ACP2: variants seen among roughly 807,000 people sequenced by gnomAD.
ACP2 encodes acid phosphatase 2, lysosomal, also known as lysosomal acid phosphatase.
ACP2 carries 35 observed loss-of-function variants against 54.7 expected under a neutral mutation model. The ratio of observed to expected loss-of-function variants is 0.64; its 90% CI spans 0.49 to 0.85. The LOEUF (loss-of-function observed/expected upper bound fraction) is 0.85. Ranked by LOEUF, ACP2 falls within the 40% of genes least tolerant of loss-of-function variation. The probability of loss-of-function intolerance (pLI) is 0.00; values close to 1 mark genes in which losing one functional copy is unlikely to be tolerated. For missense variants in ACP2, 492 were observed against 565.0 expected, an observed-to-expected ratio of 0.87 and a Z score of 1.31; for synonymous variants, 210 against 224.4, an observed-to-expected ratio of 0.94 and a Z score of 0.57.
intron 10 of ACP2, among the ~76,000 whole-genome samples, chr11:47,242,443 G>C (rs892568761): frequency 1.3e-5 from 2 of 152,156 alleles, no homozygotes; most frequent in Non-Finnish European, 2.9e-5. Context: ...ACCCAAGTGC[G>C]GGTGGAGAGG....
In ACP2 at chr11:47,239,492, T is replaced by C. The variant is rs326221; in HGVS notation, c.*624A>G. 0.99 allele frequency: 159,371 copies of C among 160,266 alleles called. 79,243 individuals are homozygous for C. Among genetic ancestry groups the C allele is most frequent in the East Asian group, 1 (6,004 of 6,004 alleles). The allele number at this position is 160,266 out of a possible 1,614,324, so 9.9% of individuals were successfully genotyped here. A position where few individuals can be genotyped will look rare whatever the true frequency, so the allele number is the denominator to read the frequency against. Reference sequence around the variant, plus strand: ...AAGCAACTCCCTTCCCACCACTCCCTACTCCCTCCCAAGTACAGACAACCT... The same window carrying C: ...AAGCAACTCCCTTCCCACCACTCCCCACTCCCTCCCAAGTACAGACAACCT... On this transcript the variant is annotated 3_prime_UTR_variant, in exon 11 of 11. Transcript: ENST00000672073.
intron 10 of ACP2, among the ~76,000 whole-genome samples, chr11:47,241,299 C>T (rs181984425): frequency 9.8e-5 from 15 of 152,312 alleles, no homozygotes; most frequent in Admixed American, 9.2e-4. Context: ...GGGCGGATCA[C>T]CTGAGGTTGG....
At position 47,245,515 on chromosome 11, in the gene ACP2, G is replaced by A. The variant is rs562621346; in HGVS notation, c.508C>T (p.Arg170Trp). The A allele has an allele frequency of 3.7e-6, 6 of 1,614,224 alleles. No individual in the cohort carries two copies. The highest frequency in any genetic ancestry group is 1.7e-5 in the Admixed American group (1 of 60,024). ...TCATTCTGATACTCTGGTGTCTGCC[G>A]GGTCTCGTTCTGCAGCTGCTCATAA... is the stretch of plus-strand genomic sequence containing the variant. The part of the protein sequence containing the change: ...PRYEQLQNET[R>W]QTPEYQNESS... Residue 170 changes from arginine (R) to tryptophan (W), a missense_variant, in exon 5 of 11, where the codon CGG (arginine) becomes TGG (tryptophan). Coordinates refer to ENST00000672073, the MANE Select transcript of ACP2 (RefSeq NM_001610.4).
Position 47,240,133 on chromosome 11 carries a change from C to G in ACP2, c.1255G>C (p.Gly419Arg), listed in dbSNP as rs764874354. Residue 419 changes from glycine (G) to arginine (R), a missense_variant, in exon 11 of 11, where the codon GGG becomes CGG. Physicochemically the swap from Gly to Arg is moderately radical, Grantham distance 125 (BLOSUM62 -2). Coordinates refer to ENST00000672073, the MANE Select transcript of ACP2 (RefSeq NM_001610.4). ...AGTGGTTGTCAGGCGTGGTCCTCCC[C>G]ATCTGCGACGTGGCGGTAGCCAGGA... ...QPPGYRHVAD[G>R]EDHA 15 of 1,613,710 alleles carry G rather than the reference C, an allele frequency of 9.3e-6. No homozygotes were observed. The African/African-American group carries it at 1.3e-4, about 14-fold the overall frequency.
rs187045479 is a variant in ACP2, at chr11:47,243,725, T to C, written c.773-404A>G. On this transcript the variant is annotated intron_variant, in intron 7 of 10. Coordinates refer to ENST00000672073, the MANE Select transcript of ACP2 (RefSeq NM_001610.4). ...GCAGGCATGCCCTTAGGTGCTCAAA[T>C]AAGGAAGCTGGCATGTGTGTTACTC... is the stretch of plus-strand genomic sequence containing the variant. Among the ~76,000 whole-genome samples, 73 of 152,250 alleles carry C rather than the reference T, an allele frequency of 4.8e-4. No homozygotes were observed. The East Asian group carries it at 8.9e-3, about 19-fold the overall frequency.
chr11:47,242,809 A>C lies in ACP2; in HGVS notation c.1052T>G (p.Leu351Arg), dbSNP rs375066326. 5.6e-5 allele frequency: 90 copies of C among 1,614,066 alleles called. No homozygotes were observed. The highest frequency in any genetic ancestry group is 6.6e-5 in the Non-Finnish European group (78 of 1,180,002). The change falls in exon 10 of 11, where the codon CTG becomes CGG. Residue 351 changes from leucine to arginine, a missense_variant. Transcript: ENST00000672073. The part of the protein sequence containing the change: ...SLPGCPHRCP[L>R]QDFLRLTEPV... Reference sequence around the variant, plus strand: ...CTCTGTGAGGCGAAGGAAGTCCTGCAGTGGGCAGCGGTGAGGGCAGCCAGG... The same window carrying C: ...CTCTGTGAGGCGAAGGAAGTCCTGCCGTGGGCAGCGGTGAGGGCAGCCAGG...
chr11:47,241,052 G>A (rs1460080091), intron 10 of ACP2, among the ~76,000 whole-genome samples: 2 of 152,180 alleles, frequency 1.3e-5, no homozygotes, highest in African/African-American at 4.8e-5. Context: ...ATCATCAAGA[G>A]TCAGTCTCAC....
chr11:47,248,408 G>GA (rs1954302355), intron 1 of ACP2: 1 of 1,528,078 alleles, frequency 6.5e-7, no homozygotes, highest in Non-Finnish European at 8.8e-7. Context: ...GACAACTGGG[G>GA]AAAAAAGATA....
Position 47,248,726 on chromosome 11 carries a change from G to T in ACP2, c.64C>A (p.Leu22Met). 6.2e-7 allele frequency: 1 copy of T among 1,611,714 alleles called. No individual in the cohort carries two copies. Among genetic ancestry groups the T allele is most frequent in the Admixed American group, 1.7e-5 (1 of 59,686 alleles). ...GCCCGGGTGGGCGGCATCACCACCA[G>T]GTTCACGCCGAGAAGGAGCTGGAGG... is the stretch of plus-strand genomic sequence containing the variant. ...ALLQLLLGVNLVVMPPTRARS... is the reference protein window; with the variant it reads ...ALLQLLLGVNMVVMPPTRARS... The change falls in exon 1 of 11, where the codon CTG (leucine) becomes ATG (methionine). Residue 22 changes from leucine to methionine, a missense_variant. By Grantham distance (15) the Leu-to-Met change is conservative (BLOSUM62 2). Transcript: ENST00000672073.
Position 47,248,108 on chromosome 11 carries a change from G to C in ACP2, c.140C>G (p.Pro47Arg). ...GGGGTCCTTGGGATATGTCTTCACT[G>C]GTGAACGGTCTCCATGGCGGTACAG... ...TLLYRHGDRS[P>R]VKTYPKDPYQ... The change falls in exon 2 of 11, where the codon CCA becomes CGA. Residue 47 changes from proline (P) to arginine (R), a missense_variant. Pro to Arg is a moderately radical substitution (Grantham distance 103). Coordinates refer to ENST00000672073, the MANE Select transcript of ACP2 (RefSeq NM_001610.4). 1 of 1,611,192 alleles carries C rather than the reference G, an allele frequency of 6.2e-7. No individual in the cohort carries two copies. The highest frequency in any genetic ancestry group is 8.5e-7 in the Non-Finnish European group (1 of 1,179,160).
At chr11:47,241,681 T>C (rs566258951) in intron 10 of ACP2, among the ~76,000 whole-genome samples, 23 of 152,276 alleles carry the variant, frequency 1.5e-4, no homozygotes, top group African/African-American at 5.3e-4. Context: ...TGAGCTGATC[T>C]GGCAGTGGGC....
At chr11:47,241,860 G>T (rs891365038) in intron 10 of ACP2, among the ~76,000 whole-genome samples, 1 of 152,200 alleles carries the variant, frequency 6.6e-6, no homozygotes, top group Non-Finnish European at 1.5e-5. Flanking sequence ...TACTTAACAT[G>T]CATGTAGAGA....
intron 2 of ACP2, 86 bp from the exon 3 acceptor site, chr11:47,247,813 G>T: frequency 7.4e-7 from 1 of 1,357,824 alleles, no homozygotes; most frequent in Non-Finnish European, 1.0e-6. Flanking sequence ...TGCTTTCCAG[G>T]TTCACGCTTT....
At chr11:47,242,387 G>C (rs1953904785) in intron 10 of ACP2, among the ~76,000 whole-genome samples, 1 of 152,224 alleles carries the variant, frequency 6.6e-6, no homozygotes, top group Non-Finnish European at 1.5e-5. Context: ...AAGTGATCCA[G>C]TAGAGAAGCA....
In ACP2 at chr11:47,248,742, G is replaced by A; in HGVS notation, c.48C>T (p.Leu16=). 1 of 1,609,550 alleles carries A rather than the reference G, an allele frequency of 6.2e-7. No homozygotes were observed. The change falls in exon 1 of 11, where the codon CTC becomes CTT. Residue 16 remains leucine (L), a synonymous_variant. Coordinates refer to ENST00000672073, the MANE Select transcript of ACP2 (RefSeq NM_001610.4). ...TCACCACCAGGTTCACGCCGAGAAG[G>A]AGCTGGAGGAGAGCCGCCCGGCTCC... ...SGWSRAALLQ[L]LLGVNLVVMP...
At chr11:47,240,592 G>A (rs1284857986) in intron 10 of ACP2, among the ~76,000 whole-genome samples, 1 of 152,152 alleles carries the variant, frequency 6.6e-6, no homozygotes, top group African/African-American at 2.4e-5. Context: ...GGCCGAGGTG[G>A]GTGGATCACC....
intron 10 of ACP2, 142 bp from the exon 11 acceptor site, chr11:47,240,391 TAATA>T (rs368121092): frequency 5.1e-6 from 3 of 588,180 alleles, no homozygotes; most frequent in African/African-American, 1.9e-5. Context: ...AGAGGGGATG[TAATA>T]AATAAGCAAA....
intron 7 of ACP2, 129 bp from the exon 8 acceptor site, chr11:47,243,450 A>G (rs1422942041): frequency 1.4e-6 from 1 of 692,542 alleles, no homozygotes. Flanking sequence ...CTTTAGTGTC[A>G]TAGGGACCAT....
At chr11:47,243,631 C>A (rs1367081446) in intron 7 of ACP2, among the ~76,000 whole-genome samples, 1 of 152,206 alleles carries the variant, frequency 6.6e-6, no homozygotes, top group Non-Finnish European at 1.5e-5. Flanking sequence ...TCAGAGTACA[C>A]AGCGGGTGGG....
Sources: allele counts gnomAD v4.1 joint callset (sites outside exome capture counted in the v4.1 genomes callset), GRCh38; gene constraint gnomAD v4.1.1; transcripts MANE v1.5; gene names NCBI Gene and HGNC (gene_info 2026-07-23, HGNC 2026-07-21).